Variants in PDE1B observed in about 807,000 individuals in gnomAD.
The protein encoded by PDE1B is phosphodiesterase 1B, also known as dual specificity calcium/calmodulin-dependent 3',5'-cyclic nucleotide phosphodiesterase 1B.
A neutral mutation model predicts 66.7 loss-of-function variants in PDE1B; 13 were observed. The ratio of observed to expected loss-of-function variants is 0.19; its 90% CI spans 0.13 to 0.31. The LOEUF is 0.31. Among genes scored for constraint, PDE1B ranks in the 10% least tolerant of loss-of-function variants. The pLI, the probability that PDE1B is intolerant of heterozygous loss-of-function variation, is 1.00. For synonymous variants in PDE1B, 230 were observed against 253.9 expected (o/e 0.91, Z 0.90); for missense variants, 485 against 682.3 (o/e 0.71, Z 3.22).
In PDE1B at chr12:54,570,278, A is replaced by G. The variant is rs11615709; in HGVS notation, c.515A>G (p.Asn172Ser). ...DLWCFDVFSL[N>S]QAADDHALRT... The stretch of plus-strand genomic sequence containing the variant: ...TGGTGCTTTGATGTCTTTTCCTTGA[A>G]CCAGGCAGCAGATGACCATGCCCTG... The change falls in exon 6 of 16, where the codon AAC becomes AGC. Residue 172 changes from asparagine (N) to serine (S), a missense_variant. Physicochemically the swap from Asn to Ser is conservative, Grantham distance 46. Coordinates refer to ENST00000243052, the MANE Select transcript of PDE1B (RefSeq NM_000924.4). 52 of 1,613,410 alleles carry G rather than the reference A, an allele frequency of 3.2e-5. No individual in the cohort carries two copies. The highest frequency in any genetic ancestry group is 4.4e-5 in the Non-Finnish European group (52 of 1,179,568).
Position 54,575,962 on chromosome 12 carries a change from C to T in PDE1B, c.1268-30C>T, listed in dbSNP as rs777436017. ...CCTAGCCCTCCAGATAATAGTAAGA[C>T]ATCTCTACGGCATTGCTCCTCCACT... is the stretch of plus-strand genomic sequence containing the variant. On this transcript the variant is annotated intron_variant, in intron 12 of 15. Transcript: ENST00000243052. This position sits in a 1 kb window ranked among gnomAD's most constrained non-coding sequence, Gnocchi z 4.0. 39 of 1,433,300 alleles carry T rather than the reference C, an allele frequency of 2.7e-5. No homozygotes were observed. The highest frequency in any genetic ancestry group is 3.7e-5 in the Non-Finnish European group (38 of 1,015,624). The allele number at this position is 1,433,300 out of a possible 1,614,324, so 88.8% of individuals were successfully genotyped here. A position where few individuals can be genotyped will look rare whatever the true frequency, so the allele number is the denominator to read the frequency against.
chr12:54,554,861 G>T (rs1278035969), intron 2 of PDE1B, among the ~76,000 whole-genome samples: 1 of 152,180 alleles, frequency 6.6e-6, no homozygotes, highest in African/African-American at 2.4e-5. Flanking sequence ...AAAGCCTGAA[G>T]GTCTTTTTCA....
rs570590084 is a variant in PDE1B at position 54,576,587 on chromosome 12, C to T, written c.1393C>T (p.Pro465Ser). 2.5e-5 allele frequency: 41 copies of T among 1,614,022 alleles called. No individual in the cohort carries two copies. Among genetic ancestry groups the T allele is most frequent in the Non-Finnish European group, 3.5e-5 (41 of 1,180,012 alleles). The change falls in exon 14 of 16, where the codon CCC becomes TCC. Residue 465 changes from proline to serine, a missense_variant. By Grantham distance (74) the Pro-to-Ser change is moderately conservative. Coordinates refer to ENST00000243052, the MANE Select transcript of PDE1B (RefSeq NM_000924.4). ...KNQPSFQWRQ[P>S]SLDVEVGDPN... ...TGCTTCTAGCTTTCAGTGGCGCCAG[C>T]CCTCTCTGGATGTGGAAGTGGGAGA...
intron 5 of PDE1B, 56 bp from the exon 6 acceptor site, chr12:54,570,185 C>G: frequency 9.6e-7 from 1 of 1,046,504 alleles, no homozygotes; most frequent in Non-Finnish European, 1.5e-6. Context: ...TTCTTGAAGT[C>G]TAACTTCAAC....
At chr12:54,571,955 C>A (rs1201338673) in intron 6 of PDE1B, 1 of 152,570 alleles carries the variant, frequency 6.6e-6, no homozygotes. Context: ...CCAGTCCTGT[C>A]CTCTGGGAGC....
At position 54,569,360 on chromosome 12, in the gene PDE1B, TG is replaced by T; in HGVS notation, c.406del (p.Glu136AsnfsTer36). On this transcript the variant is annotated frameshift_variant, in exon 4 of 16. Coordinates refer to ENST00000243052, the MANE Select transcript of PDE1B (RefSeq NM_000924.4). LOFTEE classifies it high-confidence loss of function. The surrounding 1 kb of genome is among the most constrained non-coding windows in gnomAD (Gnocchi z 4.4). Reference sequence around the variant, plus strand: ...CACGCTGTGCAGGCTGGGATCTTCGTGGAACGGTGAGGCTCGCCCACACTCA... The same window carrying T: ...CACGCTGTGCAGGCTGGGATCTTCGTGAACGGTGAGGCTCGCCCACACTCA... ...IVHAVQAGIFVERMFRRTYTS... is the reference protein window; with the variant it reads ...IVHAVQAGIFXERMFRRTYTS... 6.2e-7 allele frequency: 1 copy of T among 1,605,076 alleles called. No homozygotes were observed. Among genetic ancestry groups the T allele is most frequent in the Non-Finnish European group, 8.5e-7 (1 of 1,173,864 alleles).
chr12:54,572,852 C>T, intron 7 of PDE1B, 111 bp downstream of exon 7: 1 of 1,129,086 alleles, frequency 8.9e-7, no homozygotes, highest in Non-Finnish European at 1.3e-6. Context: ...TTCTTGGGCA[C>T]TCCAAAGCCT....
chr12:54,577,174 G>C (rs528373177), intron 14 of PDE1B, 51 bp from the exon 15 acceptor site: 40 of 1,461,034 alleles, frequency 2.7e-5, no homozygotes, highest in Non-Finnish European at 3.7e-5. Flanking sequence ...TTGGGTTCTG[G>C]GGAAGAATAC....
At position 54,573,063 on chromosome 12, in the gene PDE1B, G is replaced by GA. The variant is rs1397513053; in HGVS notation, c.736-84dup. 2.0e-4 allele frequency: 196 copies of GA among 972,712 alleles called. No individual in the cohort carries two copies. The African/African-American group carries it at 2.8e-3, about 14-fold the overall frequency. The allele number at this position is 972,712 out of a possible 1,614,324, so 60.3% of individuals were successfully genotyped here. On this transcript the variant is annotated intron_variant, in intron 7 of 15. Coordinates refer to ENST00000243052, the MANE Select transcript of PDE1B (RefSeq NM_000924.4). The surrounding 1 kb of genome is among the most constrained non-coding windows in gnomAD (Gnocchi z 5.2). ...CCTGGAAGCATGGAAGGGATGGGAT[G>GA]AGTGATCTAGCCTGTGTGTGGAGGT... is the stretch of plus-strand genomic sequence containing the variant.
chr12:54,561,381 T>G (rs1032615697), intron 2 of PDE1B: 2 of 998,830 alleles, frequency 2.0e-6, no homozygotes, highest in African/African-American at 3.3e-5. Flanking sequence ...TCTCACCCAG[T>G]TCCGGTAGGC....
At position 54,570,316 on chromosome 12, in the gene PDE1B, T is replaced by G; in HGVS notation, c.553T>G (p.Phe185Val). 1 of 1,613,610 alleles carries G rather than the reference T, an allele frequency of 6.2e-7. No homozygotes were observed. Among genetic ancestry groups the G allele is most frequent in the Non-Finnish European group, 8.5e-7 (1 of 1,179,602 alleles). The change falls in exon 6 of 16, where the codon TTT becomes GTT. Residue 185 changes from phenylalanine to valine, a missense_variant. Coordinates refer to ENST00000243052, the MANE Select transcript of PDE1B (RefSeq NM_000924.4). ...TGACCATGCCCTGAGGACCATTGTT[T>G]TTGAGTTGCTGACTCGGCATAACCT... is the stretch of plus-strand genomic sequence containing the variant. Reference protein sequence around the residue: ...ADDHALRTIVFELLTRHNLIS... With the variant: ...ADDHALRTIVVELLTRHNLIS...
At chr12:54,559,235 C>T (rs1169581792) in intron 2 of PDE1B, among the ~76,000 whole-genome samples, 1 of 142,562 alleles carries the variant, frequency 7.0e-6, no homozygotes, top group East Asian at 2.1e-4. Flanking sequence ...CCCCCACCCA[C>T]CCCCACCCCT....
In PDE1B at chr12:54,573,292, G is replaced by A. The variant is rs1957650994; in HGVS notation, c.836+44G>A. 2 of 1,613,378 alleles carry A rather than the reference G, an allele frequency of 1.2e-6. No homozygotes were observed. Among genetic ancestry groups the A allele is most frequent in the Non-Finnish European group, 1.7e-6 (2 of 1,179,294 alleles). On this transcript the variant is annotated intron_variant, in intron 8 of 15. Coordinates refer to ENST00000243052, the MANE Select transcript of PDE1B (RefSeq NM_000924.4). The surrounding 1 kb of genome is among the most constrained non-coding windows in gnomAD (Gnocchi z 5.2). ...GCAGGGGCAGGAGGGGCCAAGAGGA[G>A]GTGGGGAGGTTGCCGGAGTCCCTCC...
rs747709762 is a variant in PDE1B, at chr12:54,575,955, A to C, written c.1268-37A>C. On this transcript the variant is annotated intron_variant, in intron 12 of 15. Transcript: ENST00000243052. The surrounding 1 kb of genome is among the most constrained non-coding windows in gnomAD (Gnocchi z 4.0). ...TGCTCTGCCTAGCCCTCCAGATAAT[A>C]GTAAGACATCTCTACGGCATTGCTC... 7.2e-7 allele frequency: 1 copy of C among 1,395,102 alleles called. No individual in the cohort carries two copies. The highest frequency in any genetic ancestry group is 1.0e-6 in the Non-Finnish European group (1 of 980,992). The allele number at this position is 1,395,102 out of a possible 1,614,324, so 86.4% of individuals were successfully genotyped here.
chr12:54,563,648 A>C (rs1023145676), intron 2 of PDE1B, among the ~76,000 whole-genome samples: 2 of 152,216 alleles, frequency 1.3e-5, no homozygotes, highest in African/African-American at 4.8e-5. Flanking sequence ...GATGTTGATC[A>C]GTCAATTCCT....
intron 10 of PDE1B, chr12:54,574,126 T>C (rs113887096): frequency 0.011 from 2,407 of 209,728 alleles, 66 homozygotes; most frequent in African/African-American, 0.053. Context: ...CCTAGTCTCA[T>C]AGGGCTATTG....
chr12:54,577,632 G>A (rs2121180943), intron 15 of PDE1B: 15 of 1,370,406 alleles, frequency 1.1e-5, no homozygotes, highest in Non-Finnish European at 1.4e-5. Context: ...CGCACCTTAG[G>A]GAGGGTTAGG....
At chr12:54,577,091 G>C in intron 14 of PDE1B, 134 bp from the exon 15 acceptor site, 2 of 778,342 alleles carry the variant, frequency 2.6e-6, no homozygotes, top group Admixed American at 2.3e-5. Context: ...TCCCAAGTGG[G>C]GATGGGTTGA....
Position 54,575,714 on chromosome 12 carries a change from A to G in PDE1B, c.1267+82A>G. 2 of 1,014,772 alleles carry G rather than the reference A, an allele frequency of 2.0e-6. No individual in the cohort carries two copies. The highest frequency in any genetic ancestry group is 2.0e-4 in the Middle Eastern group (1 of 4,910). The allele number at this position is 1,014,772 out of a possible 1,614,324, so 62.9% of individuals were successfully genotyped here. A position where few individuals can be genotyped will look rare whatever the true frequency, so the allele number is the denominator to read the frequency against. On this transcript the variant is annotated intron_variant, in intron 12 of 15. Transcript: ENST00000243052. This position sits in a 1 kb window ranked among gnomAD's most constrained non-coding sequence, Gnocchi z 4.0. ...GGGTCAGGATTGCTCCAAGTCCTCA[A>G]TCCCCCCAAACCATTCTTCCTGTAG...
Sources: gnomAD v4.1 joint callset for allele counts (sites outside exome capture counted in the v4.1 genomes callset) on GRCh38, gnomAD v4.1.1 for gene constraint, Gnocchi (gnomAD v3.1) non-coding constraint, MANE v1.5 for transcripts, NCBI Gene and HGNC (gene_info 2026-07-23, HGNC 2026-07-21) for gene names.